Variants in SUPT3H observed in about 807,000 individuals in gnomAD.
The protein encoded by SUPT3H is SPT3 homolog, SAGA and STAGA complex component.
A neutral mutation model predicts 44.3 loss-of-function variants in SUPT3H; 44 were observed. The observed-to-expected ratio is 0.99, with a 90% confidence interval of 0.78 to 1.28. SUPT3H has a LOEUF of 1.28. Ranked by LOEUF, SUPT3H falls within the 50% of genes most tolerant of loss-of-function variation. SUPT3H has a pLI of 0.00. For missense variants in SUPT3H, 380 were observed against 387.1 expected (o/e 0.98, Z 0.15); for synonymous variants, 124 against 125.6 (o/e 0.99, Z 0.09).
chr6:44,963,127 TTTC>T (rs1460915302), intron 6 of SUPT3H, among the ~76,000 whole-genome samples: 2 of 151,762 alleles, frequency 1.3e-5, no homozygotes, highest in African/African-American at 4.8e-5. Context: ...TACACATAAA[TTTC>T]TTTTTTTATA....
chr6:45,314,184 T>A (rs940788950), intron 2 of SUPT3H, among the ~76,000 whole-genome samples: 1 of 152,054 alleles, frequency 6.6e-6, no homozygotes, highest in Non-Finnish European at 1.5e-5. Flanking sequence ...ACAGCCAACA[T>A]AATACTGAAT....
chr6:45,115,898 C>A (rs1272797210), intron 2 of SUPT3H, among the ~76,000 whole-genome samples: 1 of 152,094 alleles, frequency 6.6e-6, no homozygotes, highest in Non-Finnish European at 1.5e-5. Context: ...TAAACAGCCA[C>A]CAGAACCAGG....
At chr6:44,968,284 T>A (rs1198501772) in intron 6 of SUPT3H, among the ~76,000 whole-genome samples, 4 of 152,182 alleles carry the variant, frequency 2.6e-5, no homozygotes, top group African/African-American at 9.7e-5. Context: ...CATTCAGCAA[T>A]GCGGCAACAT....
rs1554218941 is a variant in SUPT3H, at chr6:45,043,175, A to ACACACG, written c.187-22544_187-22543insCGTGTG. On this transcript the variant is annotated intron_variant, in intron 3 of 10. Coordinates refer to ENST00000371459, the MANE Select transcript of SUPT3H (RefSeq NM_003599.4). ...CACACACACACACACACACACGCACACACACAAACACCAAAACCAAGGCAA... is the reference window on the plus strand; with the variant it reads ...CACACACACACACACACACACGCACACACACGCACACAAACACCAAAACCAAGGCAA... Among the ~76,000 whole-genome samples, 19 of 150,706 alleles carry ACACACG rather than the reference A, an allele frequency of 1.3e-4. 1 individual carries two copies. In the South Asian group the frequency reaches 3.2e-3, roughly 25 times the overall value.
intron 3 of SUPT3H, among the ~76,000 whole-genome samples, chr6:45,081,055 G>A (rs182297128): frequency 1.2e-3 from 177 of 150,074 alleles, no homozygotes; most frequent in African/African-American, 4.0e-3. Flanking sequence ...ACATATATAC[G>A]TATATATGTA....
At chr6:45,106,933 C>T (rs559616192) in intron 2 of SUPT3H, among the ~76,000 whole-genome samples, 1 of 152,124 alleles carries the variant, frequency 6.6e-6, no homozygotes, top group Non-Finnish European at 1.5e-5. Flanking sequence ...TAACCACATC[C>T]CAATTACCAA....
intron 2 of SUPT3H, among the ~76,000 whole-genome samples, chr6:45,115,833 T>A (rs932854045): frequency 6.6e-6 from 1 of 152,148 alleles, no homozygotes; most frequent in African/African-American, 2.4e-5. Context: ...TAGCTGAGAA[T>A]TTTCAAAGTT....
At chr6:44,896,101 T>C (rs2153445532) in intron 10 of SUPT3H, among the ~76,000 whole-genome samples, 1 of 152,116 alleles carries the variant, frequency 6.6e-6, no homozygotes, top group South Asian at 2.1e-4. Flanking sequence ...TGGGAGAGTG[T>C]GATTAGGGGT....
intron 1 of SUPT3H, chr6:45,371,986 C>A: frequency 1.1e-6 from 1 of 878,670 alleles, no homozygotes; most frequent in Non-Finnish European, 1.4e-6. Context: ...CCCCCGACAC[C>A]TGGTCCAGAG....
At chr6:45,335,987 G>A (rs996647240) in intron 2 of SUPT3H, among the ~76,000 whole-genome samples, 8 of 151,268 alleles carry the variant, frequency 5.3e-5, no homozygotes, top group Non-Finnish European at 1.0e-4. Context: ...ATGTGCTACA[G>A]TGTATTTCTA....
At chr6:44,871,287 G>C (rs1239955513) in intron 10 of SUPT3H, among the ~76,000 whole-genome samples, 13 of 43,804 alleles carry the variant, frequency 3.0e-4, no homozygotes, top group Admixed American at 1.2e-3. Context: ...CTCCCAGCAC[G>C]CAGCTGGAGA....
chr6:45,168,592 T>C (rs927235542), intron 2 of SUPT3H, among the ~76,000 whole-genome samples: 1 of 152,168 alleles, frequency 6.6e-6, no homozygotes, highest in Non-Finnish European at 1.5e-5. Context: ...GATCACACAG[T>C]AAATCAGTAA....
intron 10 of SUPT3H, among the ~76,000 whole-genome samples, chr6:44,862,117 T>G (rs1326178680): frequency 6.6e-6 from 1 of 152,176 alleles, no homozygotes. Context: ...TTTCTCACCA[T>G]GTACTTCATG....
intron 2 of SUPT3H, among the ~76,000 whole-genome samples, chr6:45,187,101 TAAAAAAAAAAAAAAA>T (rs70996308): frequency 3.8e-5 from 3 of 79,856 alleles, no homozygotes; most frequent in Admixed American, 1.6e-4. Context: ...TTTTCGCCTT[TAAAAAAAAAAAAAAA>T]AAAAAAAAAA....
At chr6:45,147,135 C>T (rs1326229339) in intron 2 of SUPT3H, among the ~76,000 whole-genome samples, 3 of 151,978 alleles carry the variant, frequency 2.0e-5, no homozygotes, top group Non-Finnish European at 1.5e-5. Context: ...AGTAAATTGC[C>T]GAATTTCATC....
intron 2 of SUPT3H, among the ~76,000 whole-genome samples, chr6:45,280,993 C>G (rs939961101): frequency 6.6e-6 from 1 of 152,130 alleles, no homozygotes. Flanking sequence ...TTCGATGTAA[C>G]CAGATGTAGA....
intron 2 of SUPT3H, among the ~76,000 whole-genome samples, 198 bp downstream of exon 2, chr6:45,365,003 T>C (rs1794886125): frequency 6.6e-6 from 1 of 152,222 alleles, no homozygotes; most frequent in African/African-American, 2.4e-5. Flanking sequence ...ATTTTTCAAA[T>C]ACAGTACCAC....
chr6:45,304,631 T>C (rs1782703607), intron 2 of SUPT3H, among the ~76,000 whole-genome samples: 1 of 152,152 alleles, frequency 6.6e-6, no homozygotes, highest in South Asian at 2.1e-4. Flanking sequence ...GAGGAAGAAG[T>C]TATTAGGAAT....
At chr6:45,201,882 T>TAAAATA (rs1762505929) in intron 2 of SUPT3H, among the ~76,000 whole-genome samples, 1 of 151,900 alleles carries the variant, frequency 6.6e-6, no homozygotes, top group South Asian at 2.1e-4. Context: ...ATATTAACAG[T>TAAAATA]TTTATATTGT....
Sources: allele counts gnomAD v4.1 joint callset (sites outside exome capture counted in the v4.1 genomes callset), GRCh38; gene constraint gnomAD v4.1.1; transcripts MANE v1.5; gene names NCBI Gene and HGNC (gene_info 2026-07-23, HGNC 2026-07-21).